The following ARL17A variants were observed in gnomAD, a reference collection of about 807,000 sequenced individuals.
ARL17A encodes the protein ADP-ribosylation factor-like 17-like.
chr17:46,525,511 C>T (rs1344329060), downstream of ARL17A, among the ~76,000 whole-genome samples: 1 of 111,492 alleles, frequency 9.0e-6, no homozygotes, highest in Non-Finnish European at 2.0e-5. Context: ...CACTTGAAAC[C>T]AGGAGGCGGA....
intron 3 of ARL17A, among the ~76,000 whole-genome samples, chr17:46,558,020 C>T (rs2057374621): frequency 7.3e-6 from 1 of 137,666 alleles, no homozygotes; most frequent in Admixed American, 7.3e-5. Context: ...AAAAAGGCTG[C>T]CAGAGAAAAG....
chr17:46,534,959 C>G (rs1470410854), intron 4 of ARL17A, among the ~76,000 whole-genome samples: 1 of 149,978 alleles, frequency 6.7e-6, no homozygotes, highest in East Asian at 1.9e-4. Flanking sequence ...GGGCTCCTCA[C>G]TTCTCAGACG....
intron 3 of ARL17A, among the ~76,000 whole-genome samples, chr17:46,543,523 T>C (rs1272057828): frequency 6.6e-6 from 1 of 150,952 alleles, no homozygotes; most frequent in Non-Finnish European, 1.5e-5. Flanking sequence ...AATGATAATA[T>C]GAAGTTCCAT....
At chr17:46,532,816 A>G (rs2053897805) in intron 4 of ARL17A, among the ~76,000 whole-genome samples, 1 of 149,362 alleles carries the variant, frequency 6.7e-6, no homozygotes, top group African/African-American at 2.6e-5. Flanking sequence ...GGTCTTCTGT[A>G]TTTTTGCAGT....
chr17:46,534,612 G>A (rs1264828946), intron 4 of ARL17A, among the ~76,000 whole-genome samples: 22 of 148,172 alleles, frequency 1.5e-4, no homozygotes, highest in Non-Finnish European at 3.1e-4. Flanking sequence ...CACAGACACA[G>A]CAACAATCTG....
chr17:46,558,352 G>A (rs1264098439), intron 3 of ARL17A, among the ~76,000 whole-genome samples: 1 of 109,460 alleles, frequency 9.1e-6, no homozygotes, highest in East Asian at 3.5e-4. Context: ...GAGCTACCGC[G>A]CCTGGCTTGT....
At chr17:46,551,120 C>A (rs1305219394), downstream of ARL17A, among the ~76,000 whole-genome samples, 1 of 149,706 alleles carries the variant, frequency 6.7e-6, no homozygotes, top group African/African-American at 2.6e-5. Flanking sequence ...TGAGCCTAGA[C>A]CCTCTGTGAG....
rs541566445 is a variant in ARL17A at position 46,543,093 on chromosome 17, G to A, written c.260-4667C>T. ...TAGTTCTCTAAGATAGTGAGGATCT[G>A]TCTGCTTTTTTCTTGACCATTATTG... is the stretch of plus-strand genomic sequence containing the variant. On this transcript the variant is annotated intron_variant, in intron 3 of 4. Coordinates refer to the ARL17A transcript ENST00000329240. 1.5e-4 allele frequency among the ~76,000 whole-genome samples: 22 copies of A among 150,026 alleles called. No individual in the cohort carries two copies. The East Asian group carries it at 4.1e-3, about 28-fold the overall frequency.
chr17:46,501,218 T>C, the ARL17A span, among the ~76,000 whole-genome samples: 6 of 151,182 alleles, frequency 4.0e-5, no homozygotes, highest in Non-Finnish European at 7.3e-5. Flanking sequence ...CTCTGTTGCC[T>C]AGGCTGGAGG....
At chr17:46,537,077 ATTTTTTTTTTTTTTTTTTTT>A (rs766255014) in intron 4 of ARL17A, among the ~76,000 whole-genome samples, 8 of 34,830 alleles carry the variant, frequency 2.3e-4, no homozygotes, top group African/African-American at 5.9e-4. Context: ...ATTGTGGTCA[ATTTTTTTTTTTTTTTTTTTT>A]TTTTTTTTTG....
At chr17:46,532,335 G>A (rs1479708284) in intron 4 of ARL17A, among the ~76,000 whole-genome samples, 1 of 150,370 alleles carries the variant, frequency 6.7e-6, no homozygotes, top group Non-Finnish European at 1.5e-5. Flanking sequence ...ATTTTGTCAA[G>A]CATTTTTCCA....
intron 3 of ARL17A, chr17:46,560,522 T>C (rs1160465563): frequency 2.1e-5 from 1 of 46,788 alleles, no homozygotes; most frequent in African/African-American, 9.8e-5. Context: ...AGAGGAAGGC[T>C]GTCTAGGGCA....
At chr17:46,542,785 A>C (rs1302040468) in intron 3 of ARL17A, among the ~76,000 whole-genome samples, 5 of 150,536 alleles carry the variant, frequency 3.3e-5, no homozygotes, top group Admixed American at 2.0e-4. Context: ...AATTTACTGC[A>C]ACTTCAATTG....
intron 3 of ARL17A, among the ~76,000 whole-genome samples, chr17:46,539,768 CAAAAAAAAAAAA>C (rs1204528686): frequency 1.5e-5 from 1 of 67,036 alleles, no homozygotes; most frequent in African/African-American, 7.4e-5. Flanking sequence ...GACTCCATCT[CAAAAAAAAAAAA>C]AAAAAAAAAA....
At chr17:46,558,248 T>C (rs868094814) in intron 3 of ARL17A, among the ~76,000 whole-genome samples, 34 of 104,484 alleles carry the variant, frequency 3.3e-4, no homozygotes, top group Middle Eastern at 4.0e-3. Flanking sequence ...TTAGTAGAGA[T>C]GGGGTTTCAC....
rs1393119453 is a variant in ARL17A, at chr17:46,558,983, T to C, written c.260-1353A>G. On this transcript the variant is annotated intron_variant, in intron 3 of 3. Coordinates refer to ENST00000336125, the MANE Select transcript of ARL17A (RefSeq NM_001113738.2). Reference sequence around the variant, plus strand: ...GGGAGTCCCCGCGCCCGGCAAAGCCTATATTAAACCCTTTTATGCACACTC... The same window carrying C: ...GGGAGTCCCCGCGCCCGGCAAAGCCCATATTAAACCCTTTTATGCACACTC... The C allele has an allele frequency of 2.0e-5, 2 of 100,908 alleles. 1 individual carries two copies. The highest frequency in any genetic ancestry group is 3.8e-5 in the Non-Finnish European group (2 of 53,086). 6.3% of individuals were successfully genotyped at this position (100,908 alleles called of 1,614,324 possible).
chr17:46,501,639 C>T, the ARL17A span, among the ~76,000 whole-genome samples: 2 of 151,314 alleles, frequency 1.3e-5, no homozygotes, highest in South Asian at 4.1e-4. Context: ...TTTAAGCGGC[C>T]TTGTAGAAAT....
the ARL17A span, among the ~76,000 whole-genome samples, chr17:46,503,058 G>A: frequency 2.0e-5 from 3 of 150,660 alleles, no homozygotes; most frequent in East Asian, 1.9e-4. Context: ...TAAAAATACA[G>A]AAAATTAGCC....
chr17:46,502,505 T>C, the ARL17A span, among the ~76,000 whole-genome samples: 1 of 150,930 alleles, frequency 6.6e-6, no homozygotes, highest in African/African-American at 2.5e-5. Context: ...TTTCACCATA[T>C]TGGTCAGGCT....
Sources: allele counts gnomAD v4.1 joint callset (sites outside exome capture counted in the v4.1 genomes callset), GRCh38; gene constraint gnomAD v4.1.1; transcripts MANE v1.5; gene names NCBI Gene and HGNC (gene_info 2026-07-23, HGNC 2026-07-21).